Variants in TNNI3K observed in about 807,000 individuals in gnomAD.
TNNI3K encodes the protein serine/threonine-protein kinase TNNI3K.
In TNNI3K, 140 loss-of-function variants were observed where a neutral mutation model predicts 114.5. That is an observed-to-expected ratio of 1.22 (90% CI 1.07 to 1.41). The LOEUF (loss-of-function observed/expected upper bound fraction) is 1.41, where lower values mean the gene tolerates loss of function less well. TNNI3K is among the 40% of genes most tolerant of loss of function. TNNI3K has a pLI of 0.00. For synonymous variants in TNNI3K, 347 were observed against 347.5 expected, an observed-to-expected ratio of 1.00 and a Z score of 0.02; for missense variants, 1,125 against 1,007.6, an observed-to-expected ratio of 1.12 and a Z score of -1.58.
intron 20 of TNNI3K, among the ~76,000 whole-genome samples, chr1:74,445,278 G>C (rs547657691): frequency 7.1e-6 from 1 of 141,748 alleles, no homozygotes; most frequent in Non-Finnish European, 1.5e-5. Flanking sequence ...GTGCAGGTTA[G>C]TTACATATGT....
intron 17 of TNNI3K, among the ~76,000 whole-genome samples, chr1:74,394,898 G>A (rs1025041800): frequency 1.3e-5 from 2 of 151,954 alleles, no homozygotes; most frequent in African/African-American, 4.8e-5. Context: ...CAAACAATTA[G>A]CCAGGCATGG....
At chr1:74,423,237 A>G (rs983904122) in intron 17 of TNNI3K, among the ~76,000 whole-genome samples, 1 of 149,988 alleles carries the variant, frequency 6.7e-6, no homozygotes, top group Non-Finnish European at 1.5e-5. Context: ...TTGTCTCTCC[A>G]TGTTCCAGAC....
intron 4 of TNNI3K, among the ~76,000 whole-genome samples, chr1:74,270,033 A>G (rs1298632735): frequency 6.6e-6 from 1 of 151,868 alleles, no homozygotes; most frequent in Non-Finnish European, 1.5e-5. Flanking sequence ...TGGATTTGAT[A>G]GTTTACCTTT....
intron 23 of TNNI3K, among the ~76,000 whole-genome samples, chr1:74,525,860 A>G (rs1646497993): frequency 6.6e-6 from 1 of 152,186 alleles, no homozygotes; most frequent in South Asian, 2.1e-4. Context: ...ATCACACCAG[A>G]GTGGGGTAAG....
chr1:74,283,809 A>G (rs1334589150), intron 5 of TNNI3K, among the ~76,000 whole-genome samples: 1 of 152,170 alleles, frequency 6.6e-6, no homozygotes, highest in East Asian at 1.9e-4. Context: ...ATACATAGAA[A>G]TATATACACA....
At chr1:74,236,464 G>T (rs896077765) in intron 2 of TNNI3K, among the ~76,000 whole-genome samples, 2 of 151,762 alleles carry the variant, frequency 1.3e-5, no homozygotes, top group African/African-American at 4.8e-5. Context: ...CTAAAGGCTA[G>T]CCTTTGAATG....
chr1:74,264,214 G>A (rs941761765), intron 4 of TNNI3K, among the ~76,000 whole-genome samples: 5 of 150,732 alleles, frequency 3.3e-5, no homozygotes, highest in Non-Finnish European at 5.9e-5. Flanking sequence ...CCACCACACT[G>A]AAACTCTTAA....
At chr1:74,344,782 G>T (rs1345150913) in intron 9 of TNNI3K, among the ~76,000 whole-genome samples, 1 of 152,082 alleles carries the variant, frequency 6.6e-6, no homozygotes, top group Non-Finnish European at 1.5e-5. Flanking sequence ...ATACCCAATT[G>T]TTTTATTTCG....
intron 21 of TNNI3K, chr1:74,469,610 A>T: frequency 3.3e-6 from 1 of 301,804 alleles, no homozygotes; most frequent in Non-Finnish European, 6.0e-6. Context: ...TTGCTTTTGC[A>T]AGACTTGGCA....
At chr1:74,409,647 C>A (rs1229292650) in intron 17 of TNNI3K, among the ~76,000 whole-genome samples, 4 of 151,740 alleles carry the variant, frequency 2.6e-5, no homozygotes, top group Non-Finnish European at 5.9e-5. Context: ...GTGTCTGCGA[C>A]ACACCTGGCT....
chr1:74,531,091 A>G (rs1646576567), intron 23 of TNNI3K, among the ~76,000 whole-genome samples: 1 of 152,192 alleles, frequency 6.6e-6, no homozygotes, highest in Admixed American at 6.5e-5. Flanking sequence ...CTGGTTGCCA[A>G]GTCTTTCAGT....
chr1:74,476,742 C>G (rs1003403301), intron 21 of TNNI3K, among the ~76,000 whole-genome samples: 1 of 152,082 alleles, frequency 6.6e-6, no homozygotes, highest in Non-Finnish European at 1.5e-5. Flanking sequence ...GGACAGTGCC[C>G]TTTTCTGGAA....
intron 17 of TNNI3K, among the ~76,000 whole-genome samples, chr1:74,408,078 C>G (rs1664704582): frequency 6.6e-6 from 1 of 152,120 alleles, no homozygotes; most frequent in Non-Finnish European, 1.5e-5. Flanking sequence ...CCTGGAGAAC[C>G]CTTCTCAAAC....
intron 23 of TNNI3K, among the ~76,000 whole-genome samples, chr1:74,526,128 C>A (rs1228045388): frequency 3.9e-5 from 6 of 152,180 alleles, no homozygotes; most frequent in Non-Finnish European, 8.8e-5. Context: ...CAATGTTCTG[C>A]ATGTTCAAAG....
chr1:74,331,683 T>C (rs1660213699), intron 6 of TNNI3K, 135 bp downstream of exon 6: 3 of 687,576 alleles, frequency 4.4e-6, no homozygotes, highest in Non-Finnish European at 6.6e-6. Context: ...CAACCCATCC[T>C]TGAGGAGCTT....
At chr1:74,423,207 T>C (rs1242402440) in intron 17 of TNNI3K, among the ~76,000 whole-genome samples, 1 of 144,608 alleles carries the variant, frequency 6.9e-6, no homozygotes, top group African/African-American at 2.5e-5. Flanking sequence ...ACCTCTCCCC[T>C]TCATGTGGCC....
At chr1:74,461,935 A>G (rs1168765540) in intron 20 of TNNI3K, among the ~76,000 whole-genome samples, 3 of 152,376 alleles carry the variant, frequency 2.0e-5, no homozygotes, top group East Asian at 3.8e-4. Flanking sequence ...TCATTAAAAT[A>G]TGTTAACATA....
At position 74,470,301 on chromosome 1, in the gene TNNI3K, G is replaced by A. The variant is rs887314258; in HGVS notation, c.2121+6751G>A. 7 of 400,482 alleles carry A rather than the reference G, an allele frequency of 1.7e-5. 1 individual carries two copies. The highest frequency in any genetic ancestry group is 3.1e-5 in the Non-Finnish European group (7 of 226,132). The allele number at this position is 400,482 out of a possible 1,614,324, so 24.8% of individuals were successfully genotyped here. The stretch of plus-strand genomic sequence containing the variant: ...AAGTTTGCTGCCTTTCTTTTGTGAT[G>A]CCTTTTAAGGTCATTTGTGAGATCT... On this transcript the variant is annotated intron_variant, in intron 21 of 24. Coordinates refer to ENST00000326637, the MANE Select transcript of TNNI3K (RefSeq NM_015978.3).
chr1:74,395,823 G>A (rs1231178047), intron 17 of TNNI3K, among the ~76,000 whole-genome samples: 1 of 152,126 alleles, frequency 6.6e-6, no homozygotes, highest in Non-Finnish European at 1.5e-5. Flanking sequence ...AGAGGGAACT[G>A]AAGAGACTCC....
Sources: allele counts gnomAD v4.1 joint callset (sites outside exome capture counted in the v4.1 genomes callset), GRCh38; gene constraint gnomAD v4.1.1; transcripts MANE v1.5; gene names NCBI Gene and HGNC (gene_info 2026-07-23, HGNC 2026-07-21).